The following PLEKHH2 variants were observed in gnomAD, a reference collection of about 807,000 sequenced individuals.
PLEKHH2 encodes the protein pleckstrin homology, MyTH4 and FERM domain containing H2.
In PLEKHH2, 129 loss-of-function variants were observed where a neutral mutation model predicts 187.9. That is an observed-to-expected ratio of 0.69 (90% CI 0.59 to 0.79). The LOEUF is 0.79. PLEKHH2 is among the 30% of genes least tolerant of loss of function. The pLI is 0.00. For synonymous variants in PLEKHH2, 686 were observed against 605.6 expected (o/e 1.13, Z -1.95); for missense variants, 2,076 against 1,751.2 (o/e 1.19, Z -3.31).
rs375575644 is a variant in PLEKHH2 at position 43,706,026 on chromosome 2, C to T, written c.1727-296C>T. 5.3e-5 allele frequency among the ~76,000 whole-genome samples: 8 copies of T among 152,252 alleles called. 1 individual carries two copies. The highest frequency in any genetic ancestry group is 4.6e-4 in the Admixed American group (7 of 15,292). On this transcript the variant is annotated intron_variant, in intron 9 of 29. Transcript: ENST00000282406. Reference sequence around the variant, plus strand: ...GTTGCCTGTACTTAGTTCTGCCCAGCCTGAGCAAAGCATGCATGGAGATTT... The same window carrying T: ...GTTGCCTGTACTTAGTTCTGCCCAGTCTGAGCAAAGCATGCATGGAGATTT...
Position 43,709,978 on chromosome 2 carries a change from T to G in PLEKHH2, c.1967-12T>G. ...TTAAATACTGACTTGATTTCTTTCT[T>G]TGTTCTCTTAGGTGTGTCTCTCTCC... On this transcript the variant is annotated splice_polypyrimidine_tract_variant and intron_variant, in intron 11 of 29. Transcript: ENST00000282406. 6.3e-7 allele frequency: 1 copy of G among 1,595,308 alleles called. No homozygotes were observed. The highest frequency in any genetic ancestry group is 8.5e-7 in the Non-Finnish European group (1 of 1,173,176).
intron 3 of PLEKHH2, chr2:43,681,514 G>A (rs765438253): frequency 3.3e-6 from 5 of 1,530,270 alleles, no homozygotes; most frequent in Non-Finnish European, 4.4e-6. Flanking sequence ...TCTTTGTGCA[G>A]CTGGCCAGAA....
intron 18 of PLEKHH2, among the ~76,000 whole-genome samples, chr2:43,730,443 G>A (rs1670982023): frequency 6.6e-6 from 1 of 152,172 alleles, no homozygotes; most frequent in African/African-American, 2.4e-5. Context: ...CTGTCACCCA[G>A]GCTGGAGTGC....
intron 15 of PLEKHH2, among the ~76,000 whole-genome samples, chr2:43,714,452 C>T (rs1670118455): frequency 6.6e-6 from 1 of 152,160 alleles, no homozygotes. Flanking sequence ...AGAACAGCTT[C>T]CCTCAGTTAT....
At chr2:43,680,080 G>A (rs1461428404) in intron 3 of PLEKHH2, among the ~76,000 whole-genome samples, 1 of 152,178 alleles carries the variant, frequency 6.6e-6, no homozygotes, top group Admixed American at 6.5e-5. Context: ...CAGCCTTAAA[G>A]TTTAATGATT....
At chr2:43,653,684 T>A (rs1407835738) in intron 2 of PLEKHH2, among the ~76,000 whole-genome samples, 2 of 152,188 alleles carry the variant, frequency 1.3e-5, no homozygotes, top group African/African-American at 4.8e-5. Flanking sequence ...ACAGGTCAGT[T>A]CTGGGAGTGG....
intron 3 of PLEKHH2, among the ~76,000 whole-genome samples, chr2:43,683,377 G>C (rs1017937845): frequency 1.3e-5 from 2 of 151,926 alleles, no homozygotes; most frequent in Non-Finnish European, 2.9e-5. Flanking sequence ...GATTTCAGGT[G>C]ATCCGCCCAC....
intron 1 of PLEKHH2, among the ~76,000 whole-genome samples, chr2:43,639,275 G>C: frequency 6.6e-6 from 1 of 152,256 alleles, no homozygotes; most frequent in South Asian, 2.1e-4. Context: ...CTTAATATAA[G>C]TCACAAACTA....
intron 2 of PLEKHH2, among the ~76,000 whole-genome samples, chr2:43,654,801 C>T (rs1666670035): frequency 6.6e-6 from 1 of 150,418 alleles, no homozygotes. Context: ...CTGAGGTGGG[C>T]AGATCACTTG....
At chr2:43,639,091 A>T (rs570202517) in intron 1 of PLEKHH2, among the ~76,000 whole-genome samples, 1 of 152,210 alleles carries the variant, frequency 6.6e-6, no homozygotes, top group Non-Finnish European at 1.5e-5. Flanking sequence ...GATACTTTTC[A>T]TATTTGGGGT....
At chr2:43,744,882 A>AAG (rs1553351315) in intron 23 of PLEKHH2, among the ~76,000 whole-genome samples, 1 of 143,196 alleles carries the variant, frequency 7.0e-6, no homozygotes, top group African/African-American at 2.6e-5. Context: ...AAAAAAAAAA[A>AAG]AAAAAGAAAA....
rs535609291 is a variant in PLEKHH2 at position 43,683,757 on chromosome 2, TG to T, written c.186+4834del. Among the ~76,000 whole-genome samples the T allele has an allele frequency of 7.9e-5, 12 of 151,974 alleles. No homozygotes were observed. The South Asian group carries it at 1.0e-3, about 13-fold the overall frequency. ...GATATTGTTGACCTCCACCAGGAGG[TG>T]GATGTCTAGTTATCTCTCTCTCTCT... On this transcript the variant is annotated intron_variant, in intron 3 of 29. Transcript: ENST00000282406.
At chr2:43,643,067 G>A (rs1365762807) in intron 1 of PLEKHH2, among the ~76,000 whole-genome samples, 1 of 152,106 alleles carries the variant, frequency 6.6e-6, no homozygotes. Context: ...GGAGAAAAAT[G>A]AAGCAGCCCC....
Position 43,642,973 on chromosome 2 carries a change from G to A in PLEKHH2, c.-3-1698G>A, listed in dbSNP as rs189356776. 9.9e-5 allele frequency among the ~76,000 whole-genome samples: 15 copies of A among 152,172 alleles called. No homozygotes were observed. The East Asian group carries it at 2.7e-3, about 27-fold the overall frequency. On this transcript the variant is annotated intron_variant, in intron 1 of 29. Coordinates refer to ENST00000282406, the MANE Select transcript of PLEKHH2 (RefSeq NM_172069.4). ...GCGGAATGATATGGTAGTTCAAGAC[G>A]TAAAGATGCCCCTTTCAGGCCTACT... is the stretch of plus-strand genomic sequence containing the variant.
At chr2:43,654,760 C>T (rs1666666720) in intron 2 of PLEKHH2, among the ~76,000 whole-genome samples, 1 of 147,222 alleles carries the variant, frequency 6.8e-6, no homozygotes, top group Non-Finnish European at 1.5e-5. Flanking sequence ...GGCGTGGTGG[C>T]TCACGCCTGT....
At chr2:43,733,662 A>G (rs1298120342) in intron 19 of PLEKHH2, among the ~76,000 whole-genome samples, 2 of 152,188 alleles carry the variant, frequency 1.3e-5, no homozygotes, top group African/African-American at 2.4e-5. Flanking sequence ...TCCAGCCTGA[A>G]GTATTTATTG....
At chr2:43,755,115 C>CA (rs758640137) in intron 25 of PLEKHH2, among the ~76,000 whole-genome samples, 62 of 152,174 alleles carry the variant, frequency 4.1e-4, no homozygotes, top group Non-Finnish European at 7.5e-4. Context: ...TCAAGTGATC[C>CA]ACCTGCCTTG....
chr2:43,726,279 T>C lies in PLEKHH2; in HGVS notation c.2549T>C (p.Leu850Ser). 6.2e-7 allele frequency: 1 copy of C among 1,604,706 alleles called. No individual in the cohort carries two copies. Among genetic ancestry groups the C allele is most frequent in the African/African-American group, 1.3e-5 (1 of 74,830 alleles). ...TACTAATATTTACTTTAGTTTCCTT[T>C]AGGTCAGATCAAACTCTGGGAGGCT... ...YFRSQEDKFPLGQIKLWEAKV... is the reference protein window; with the variant it reads ...YFRSQEDKFPSGQIKLWEAKV... The change falls in exon 17 of 30, where the codon TTA becomes TCA. Residue 850 changes from leucine (L) to serine (S), a missense_variant. Leu to Ser is a moderately radical substitution (Grantham distance 145). Coordinates refer to ENST00000282406, the MANE Select transcript of PLEKHH2 (RefSeq NM_172069.4).
intron 3 of PLEKHH2, among the ~76,000 whole-genome samples, chr2:43,686,501 G>A (rs1046318482): frequency 6.6e-6 from 1 of 152,168 alleles, no homozygotes; most frequent in Non-Finnish European, 1.5e-5. Context: ...CCGGCCTGAA[G>A]TCATTTTTGA....
Sources: gnomAD v4.1 joint callset for allele counts (sites outside exome capture counted in the v4.1 genomes callset) on GRCh38, gnomAD v4.1.1 for gene constraint, MANE v1.5 for transcripts, NCBI Gene and HGNC (gene_info 2026-07-23, HGNC 2026-07-21) for gene names.